NCKAP5: variants seen among roughly 807,000 people sequenced by gnomAD.
NCKAP5 encodes the protein NCK associated protein 5.
NCKAP5 carries 92 observed loss-of-function variants against 167.0 expected under a neutral mutation model. The ratio of observed to expected loss-of-function variants is 0.55; its 90% CI spans 0.47 to 0.66. The LOEUF is 0.66. NCKAP5 is among the 30% of genes least tolerant of loss of function. The pLI is 0.00. For missense variants in NCKAP5, 2,378 were observed against 2,315.0 expected (o/e 1.03, Z -0.56); for synonymous variants, 891 against 877.4 (o/e 1.02, Z -0.27).
rs375930455 is a variant in NCKAP5, at chr2:132,702,243, C to T, written c.5713+23384G>A. Among the ~76,000 whole-genome samples the T allele has an allele frequency of 1.3e-4, 20 of 152,084 alleles. 1 individual carries two copies. The highest frequency in any genetic ancestry group is 1.8e-4 in the Non-Finnish European group (12 of 68,020). On this transcript the variant is annotated intron_variant, in intron 19 of 19. Transcript: ENST00000409261. The stretch of plus-strand genomic sequence containing the variant: ...GGTAAGACATTCTCCACTGAGCTCC[C>T]GTCCACTGTCACTTTGGAAAGGTTT...
intron 2 of NCKAP5, among the ~76,000 whole-genome samples, chr2:133,537,712 T>C (rs1392045934): frequency 6.6e-6 from 1 of 152,184 alleles, no homozygotes; most frequent in Non-Finnish European, 1.5e-5. Flanking sequence ...TTAGCTGTAA[T>C]ATATTTTCTA....
At chr2:132,762,753 C>A (rs1391239174) in intron 16 of NCKAP5, among the ~76,000 whole-genome samples, 1 of 152,196 alleles carries the variant, frequency 6.6e-6, no homozygotes, top group African/African-American at 2.4e-5. Flanking sequence ...AAGATACCAG[C>A]CCCATGGCTC....
chr2:132,968,743 A>G (rs2076739701), intron 7 of NCKAP5, among the ~76,000 whole-genome samples: 1 of 152,236 alleles, frequency 6.6e-6, no homozygotes, highest in Non-Finnish European at 1.5e-5. Flanking sequence ...TTAAGCAAAA[A>G]GTAAAAAGGG....
At chr2:132,904,337 AAAAT>A (rs1050866019) in intron 8 of NCKAP5, among the ~76,000 whole-genome samples, 67 of 150,008 alleles carry the variant, frequency 4.5e-4, no homozygotes, top group African/African-American at 1.1e-3. Flanking sequence ...TAATTAAATA[AAAAT>A]AAATAAATAA....
chr2:133,022,313 G>A (rs2078555514), intron 6 of NCKAP5, among the ~76,000 whole-genome samples: 1 of 152,206 alleles, frequency 6.6e-6, no homozygotes, highest in Non-Finnish European at 1.5e-5. Flanking sequence ...ATCTTCATTA[G>A]TAGAAGTATT....
intron 5 of NCKAP5, among the ~76,000 whole-genome samples, chr2:133,212,389 TG>T (rs1389880117): frequency 1.3e-5 from 2 of 152,194 alleles, no homozygotes; most frequent in African/African-American, 4.8e-5. Flanking sequence ...CTTATTTATT[TG>T]TTTGTTTTTG....
intron 5 of NCKAP5, among the ~76,000 whole-genome samples, chr2:133,211,950 A>G (rs1014064043): frequency 2.0e-5 from 3 of 152,198 alleles, no homozygotes; most frequent in African/African-American, 7.2e-5. Context: ...AGTACATTCA[A>G]TGTCAGAGTG....
the NCKAP5 span, among the ~76,000 whole-genome samples, chr2:133,648,046 G>A: frequency 6.9e-3 from 1,050 of 152,172 alleles, 3 homozygotes; most frequent in Middle Eastern, 0.01. Context: ...GATGGAAAAA[G>A]TTATTCCATG....
chr2:133,097,464 G>C (rs2081378441), intron 6 of NCKAP5, among the ~76,000 whole-genome samples: 1 of 152,170 alleles, frequency 6.6e-6, no homozygotes, highest in South Asian at 2.1e-4. Flanking sequence ...TTTGGCTTGT[G>C]ATTTCCAGCC....
rs183994556 is a variant in NCKAP5 at position 132,681,366 on chromosome 2, C to A, written c.5714-8061G>T. On this transcript the variant is annotated intron_variant, in intron 19 of 19. Coordinates refer to ENST00000409261, the MANE Select transcript of NCKAP5 (RefSeq NM_207363.3). The stretch of plus-strand genomic sequence containing the variant: ...TTAGCCTTTTTTTTTTTTTAACTAC[C>A]CTTTGCATCGTTTTATGTCTTAAAT... Among the ~76,000 whole-genome samples, 556 of 150,320 alleles carry A rather than the reference C, an allele frequency of 3.7e-3. 4 individuals carry two copies. Among genetic ancestry groups the A allele is most frequent in the Non-Finnish European group, 5.5e-3 (375 of 67,586 alleles).
intron 6 of NCKAP5, among the ~76,000 whole-genome samples, chr2:133,086,116 T>C (rs2080982352): frequency 1.3e-5 from 2 of 152,188 alleles, no homozygotes; most frequent in South Asian, 4.1e-4. Context: ...GAGCAAGTTG[T>C]AGGAGCTGCA....
intron 8 of NCKAP5, among the ~76,000 whole-genome samples, chr2:132,924,361 C>T (rs1441521054): frequency 6.6e-6 from 1 of 152,050 alleles, no homozygotes; most frequent in African/African-American, 2.4e-5. Flanking sequence ...TGCAATGAGC[C>T]AGCCAGAAGT....
chr2:133,578,106 A>G, the NCKAP5 span, among the ~76,000 whole-genome samples: 1 of 152,232 alleles, frequency 6.6e-6, no homozygotes, highest in African/African-American at 2.4e-5. Flanking sequence ...GTGCTCCTAT[A>G]CTAGTTGCCT....
At chr2:133,505,299 G>A (rs777714342) in intron 3 of NCKAP5, among the ~76,000 whole-genome samples, 1 of 152,136 alleles carries the variant, frequency 6.6e-6, no homozygotes, top group East Asian at 1.9e-4. Context: ...GGTCAGACAT[G>A]ACCTGTAGTA....
intron 6 of NCKAP5, among the ~76,000 whole-genome samples, chr2:133,092,504 AGTAAG>A (rs1234707119): frequency 6.6e-6 from 1 of 152,220 alleles, no homozygotes; most frequent in Non-Finnish European, 1.5e-5. Flanking sequence ...GTCTTAAGGC[AGTAAG>A]TCCTAAGTTA....
intron 5 of NCKAP5, among the ~76,000 whole-genome samples, chr2:133,181,868 A>C (rs1275788588): frequency 6.6e-6 from 1 of 152,158 alleles, no homozygotes; most frequent in African/African-American, 2.4e-5. Context: ...GCTATCTACA[A>C]AAAACTCACT....
At chr2:132,804,800 G>A (rs1037305980) in intron 11 of NCKAP5, among the ~76,000 whole-genome samples, 2 of 152,082 alleles carry the variant, frequency 1.3e-5, no homozygotes, top group Admixed American at 6.6e-5. Context: ...TGACAGAAGC[G>A]AAGGAAGGCA....
chr2:133,553,294 T>C (rs753495717), intron 2 of NCKAP5, among the ~76,000 whole-genome samples: 4 of 152,214 alleles, frequency 2.6e-5, no homozygotes, highest in African/African-American at 4.8e-5. Context: ...GGTATGAATA[T>C]GGCAGAGCAA....
intron 4 of NCKAP5, among the ~76,000 whole-genome samples, chr2:133,232,476 G>C (rs964861963): frequency 1.3e-5 from 2 of 152,102 alleles, no homozygotes; most frequent in African/African-American, 4.8e-5. Context: ...AAAGGTCAAA[G>C]GGAAAACAAC....
Sources: gnomAD v4.1 joint callset for allele counts (sites outside exome capture counted in the v4.1 genomes callset) on GRCh38, gnomAD v4.1.1 for gene constraint, MANE v1.5 for transcripts, NCBI Gene and HGNC (gene_info 2026-07-23, HGNC 2026-07-21) for gene names.